The following ZNF730 variants were observed in gnomAD, a reference collection of about 807,000 sequenced individuals.
ZNF730 encodes putative zinc finger protein 730.
Under a neutral mutation model 12.6 loss-of-function variants are expected in ZNF730, and 12 were observed. The observed-to-expected ratio is 0.95, with a 90% CI of 0.61 to 1.54. ZNF730 has a LOEUF of 1.54. Ranked by LOEUF, ZNF730 falls within the 40% of genes most tolerant of loss-of-function variation. The pLI, the probability that ZNF730 is intolerant of heterozygous loss-of-function variation, is 0.00. For synonymous variants in ZNF730, 194 were observed against 195.8 expected (o/e 0.99, Z 0.08); for missense variants, 643 against 583.5 (o/e 1.10, Z -1.05).
intron 1 of ZNF730, among the ~76,000 whole-genome samples, chr19:23,124,463 C>T (rs1268574728): frequency 6.6e-6 from 1 of 152,184 alleles, no homozygotes; most frequent in African/African-American, 2.4e-5. Context: ...TTCTGGAGCT[C>T]GACCAGAGCA....
exon 1 of ZNF730, chr19:23,075,211 G>C (rs117816646): frequency 0.019 from 2,880 of 152,346 alleles, 48 homozygotes; most frequent in Non-Finnish European, 0.029. Flanking sequence ...ATTTGGCGGG[G>C]TCTTTGTCTC....
chr19:23,108,470 G>A (rs770398182), intron 1 of ZNF730, among the ~76,000 whole-genome samples: 1 of 152,100 alleles, frequency 6.6e-6, no homozygotes, highest in Non-Finnish European at 1.5e-5. Flanking sequence ...TCTGACTTTG[G>A]GATTTTGAAA....
chr19:23,078,153 A>C (rs1010493877), intron 1 of ZNF730, among the ~76,000 whole-genome samples: 3 of 152,144 alleles, frequency 2.0e-5, no homozygotes, highest in Admixed American at 1.3e-4. Flanking sequence ...CCAGCCTGAC[A>C]TGGGTAAAGG....
At position 23,078,327 on chromosome 19, in the gene ZNF730, C is replaced by T. The variant is rs564911994; in HGVS notation, c.-94+2940C>T. Among the ~76,000 whole-genome samples, 6 of 151,964 alleles carry T rather than the reference C, an allele frequency of 3.9e-5. No homozygotes were observed. The East Asian group carries it at 5.8e-4, about 15-fold the overall frequency. On this transcript the variant is annotated intron_variant, in intron 1 of 2. Coordinates refer to the ZNF730 transcript ENST00000593635. ...TTATTCCCTGGGCAATGGAATGTCT[C>T]GGTGTAAAACCCGATTGTATGTTCC...
intron 1 of ZNF730, chr19:23,127,938 C>T: frequency 1.4e-6 from 1 of 692,868 alleles, no homozygotes; most frequent in Non-Finnish European, 2.6e-6. Context: ...TAACCAATTA[C>T]ACTGCAATGT....
At position 23,145,279 on chromosome 19, in the gene ZNF730, TC is replaced by T; in HGVS notation, c.236del (p.Ser79PhefsTer13). ...ATTTTTATTTCTTTCAGTTATATGT[TC>T]TCATATTGCCCAAGACCTTTGGCCA... The part of the protein sequence containing the change: ...DMVAKPPVIC[S>X]HIAQDLWPEQ... On this transcript the variant is annotated frameshift_variant, in exon 4 of 4. Transcript: ENST00000597761. LOFTEE classifies it low-confidence loss of function (END_TRUNC). 6.6e-7 allele frequency: 1 copy of T among 1,526,204 alleles called. No individual in the cohort carries two copies. Among genetic ancestry groups the T allele is most frequent in the Admixed American group, 2.2e-5 (1 of 45,054 alleles). The allele number at this position is 1,526,204 out of a possible 1,614,324, so 94.5% of individuals were successfully genotyped here. A position where few individuals can be genotyped will look rare whatever the true frequency, so the allele number is the denominator to read the frequency against.
At chr19:23,136,877 C>T (rs1474755102) in intron 3 of ZNF730, among the ~76,000 whole-genome samples, 1 of 151,998 alleles carries the variant, frequency 6.6e-6, no homozygotes, top group African/African-American at 2.4e-5. Flanking sequence ...CCTTAGATAA[C>T]AAGGCATTTT....
chr19:23,116,860 G>C (rs1599587339), upstream of ZNF730: 2 of 326,726 alleles, frequency 6.1e-6, no homozygotes, highest in East Asian at 6.8e-5. Flanking sequence ...AAAGGCTGCA[G>C]CCTACGCTGT....
At chr19:23,126,958 C>G (rs1253150747) in intron 1 of ZNF730, 2 of 512,656 alleles carry the variant, frequency 3.9e-6, no homozygotes, top group Non-Finnish European at 7.8e-6. Context: ...ACTCATGCTT[C>G]TATTTTTCTT....
upstream of ZNF730, among the ~76,000 whole-genome samples, chr19:23,114,300 C>CTTTTTTTTTTTTTTTTTTTTTTTTTTTTT (rs11413226): frequency 5.9e-5 from 7 of 119,540 alleles, 2 homozygotes; most frequent in South Asian, 2.6e-4. Flanking sequence ...TTTTCTTTTT[C>CTTTTTTTTTTTTTTTTTTTTTTTTTTTTT]TTTTCTTTTT....
chr19:23,077,935 T>C (rs571394054), intron 1 of ZNF730, among the ~76,000 whole-genome samples: 1 of 152,342 alleles, frequency 6.6e-6, no homozygotes, highest in South Asian at 2.1e-4. Flanking sequence ...TTTAGGGCTA[T>C]GCAGGATGTG....
intron 1 of ZNF730, among the ~76,000 whole-genome samples, chr19:23,131,875 G>C (rs188026270): frequency 6.6e-6 from 1 of 152,170 alleles, no homozygotes; most frequent in Admixed American, 6.5e-5. Context: ...TTAGAATCAT[G>C]TGACTCTAAG....
intron 1 of ZNF730, among the ~76,000 whole-genome samples, chr19:23,130,193 C>T (rs1225414875): frequency 2.0e-5 from 3 of 152,014 alleles, no homozygotes; most frequent in Non-Finnish European, 4.4e-5. Flanking sequence ...GGGAGTGGGT[C>T]TTCCCTGCGC....
At chr19:23,112,306 G>A (rs373522702), upstream of ZNF730, among the ~76,000 whole-genome samples, 59 of 152,262 alleles carry the variant, frequency 3.9e-4, no homozygotes, top group Middle Eastern at 3.4e-3. Flanking sequence ...AGTTAAGTTT[G>A]TTTATGGCTC....
At chr19:23,132,307 G>A (rs1182839716) in intron 1 of ZNF730, among the ~76,000 whole-genome samples, 1 of 152,048 alleles carries the variant, frequency 6.6e-6, no homozygotes, top group Non-Finnish European at 1.5e-5. Context: ...GACGAGAAGA[G>A]AAAAAATGGC....
intron 1 of ZNF730, among the ~76,000 whole-genome samples, chr19:23,076,445 G>A (rs1168403222): frequency 1.3e-5 from 2 of 152,134 alleles, no homozygotes; most frequent in South Asian, 2.1e-4. Context: ...TTGCTTTGGA[G>A]AAATTACAGG....
chr19:23,143,587 C>A (rs1375715990), intron 3 of ZNF730: 1 of 152,178 alleles, frequency 6.6e-6, no homozygotes, highest in Non-Finnish European at 1.5e-5. Flanking sequence ...CTGCTTTCAG[C>A]ATCTTTTATA....
intron 1 of ZNF730, among the ~76,000 whole-genome samples, chr19:23,102,476 C>T (rs77577839): frequency 2.0e-5 from 3 of 150,438 alleles, no homozygotes; most frequent in Non-Finnish European, 4.4e-5. Context: ...TGATGTTGAT[C>T]CTTTTTTTTT....
intron 3 of ZNF730, among the ~76,000 whole-genome samples, chr19:23,137,709 C>T (rs1256237697): frequency 6.6e-6 from 1 of 152,178 alleles, no homozygotes; most frequent in Non-Finnish European, 1.5e-5. Flanking sequence ...AAACTGGCTT[C>T]AAGATGTAAA....
Sources: allele counts gnomAD v4.1 joint callset (sites outside exome capture counted in the v4.1 genomes callset), GRCh38; gene constraint gnomAD v4.1.1; transcripts MANE v1.5; gene names NCBI Gene and HGNC (gene_info 2026-07-23, HGNC 2026-07-21).